The following ABCC1 variants were observed in gnomAD, a reference collection of about 807,000 sequenced individuals.
The protein encoded by ABCC1 is multidrug resistance-associated protein 1.
A neutral mutation model predicts 172.9 loss-of-function variants in ABCC1; 83 were observed. That is an observed-to-expected ratio of 0.48 (90% CI 0.40 to 0.58). The LOEUF is 0.58. Ranked by LOEUF, ABCC1 falls within the 20% of genes least tolerant of loss-of-function variation. The pLI is 0.00. For synonymous variants in ABCC1, 937 were observed against 825.2 expected (o/e 1.14, Z -2.32); for missense variants, 1,817 against 2,002.7 (o/e 0.91, Z 1.77).
intron 3 of ABCC1, 148 bp downstream of exon 3, chr16:16,010,049 T>TTTTTTA: frequency 3.1e-6 from 2 of 641,112 alleles, no homozygotes; most frequent in Admixed American, 4.7e-5. Context: ...TTTTTTTTTT[T>TTTTTTA]TTTTTTTTTT....
intron 1 of ABCC1, among the ~76,000 whole-genome samples, chr16:15,986,091 T>C (rs452277): frequency 0.084 from 12,830 of 151,924 alleles, 645 homozygotes; most frequent in African/African-American, 0.14. Context: ...CATGTCACCA[T>C]GCCTGGCTAA....
Position 15,949,626 on chromosome 16 carries a change from CCGCCGCCAGCGCTA to C in ABCC1, c.-125_-112del. 1.5e-6 allele frequency: 1 copy of C among 648,864 alleles called. No homozygotes were observed. The highest frequency in any genetic ancestry group is 1.9e-6 in the Non-Finnish European group (1 of 523,904). The allele number at this position is 648,864 out of a possible 1,614,324, so 40.2% of individuals were successfully genotyped here. On this transcript the variant is annotated 5_prime_UTR_variant, in exon 1 of 31. Coordinates refer to ENST00000399410, the MANE Select transcript of ABCC1 (RefSeq NM_004996.4). ...CCGGCTCCCTGCGCCGCCGCCGCCG[CCGCCGCCAGCGCTA>C]GCGCCAGCAGCCGGGCCCGATCACC...
Position 16,016,638 on chromosome 16 carries a change from A to AT in ABCC1, c.615+18dup. ...CACGACCCTGTAAGTGTGACCACAG[A>AT]TGAGTGTGTGTGCGTGTGTGTGTGA... On this transcript the variant is annotated intron_variant, in intron 5 of 30. Transcript: ENST00000399410. The AT allele has an allele frequency of 6.2e-7, 1 of 1,614,032 alleles. No homozygotes were observed. Among genetic ancestry groups the AT allele is most frequent in the Non-Finnish European group, 8.5e-7 (1 of 1,179,970 alleles).
chr16:16,040,137 T>C (rs165975), intron 7 of ABCC1, among the ~76,000 whole-genome samples: 45,410 of 151,648 alleles, frequency 0.3, 7,326 homozygotes, highest in East Asian at 0.42. Flanking sequence ...GCTCTGTTGC[T>C]CAGGCTGGAT....
At chr16:15,994,691 ATAG>A (rs1358150996) in intron 1 of ABCC1, among the ~76,000 whole-genome samples, 1 of 152,134 alleles carries the variant, frequency 6.6e-6, no homozygotes, top group Non-Finnish European at 1.5e-5. Context: ...ACAACAAAAA[ATAG>A]TAGTTGCCTT....
Position 15,972,470 on chromosome 16 carries a change from T to C in ABCC1, c.48+22671T>C, listed in dbSNP as rs368407164. 1.9e-4 allele frequency among the ~76,000 whole-genome samples: 29 copies of C among 152,304 alleles called. No individual in the cohort carries two copies. The East Asian group carries it at 3.7e-3, about 19-fold the overall frequency. On this transcript the variant is annotated intron_variant, in intron 1 of 30. Transcript: ENST00000399410. ...ACATCTCTGCTGTTTTCTTGTCTTTTCCTCAAGGCCCCTAAATGGCTGCTA... is the reference window on the plus strand; with the variant it reads ...ACATCTCTGCTGTTTTCTTGTCTTTCCCTCAAGGCCCCTAAATGGCTGCTA...
At chr16:15,963,310 G>C (rs2046177361) in intron 1 of ABCC1, among the ~76,000 whole-genome samples, 1 of 152,238 alleles carries the variant, frequency 6.6e-6, no homozygotes, top group South Asian at 2.1e-4. Context: ...GGTTGGCGTT[G>C]AGTGTCTCCG....
intron 1 of ABCC1, among the ~76,000 whole-genome samples, chr16:15,994,153 G>A (rs1597083155): frequency 6.6e-6 from 1 of 152,150 alleles, no homozygotes; most frequent in East Asian, 1.9e-4. Context: ...CCAGGAGATC[G>A]AGGCTGCAGT....
rs376361536 is a variant in ABCC1 at position 16,102,636 on chromosome 16, G to T, written c.2654G>T (p.Gly885Val). ...EQDAEENGVT[G>V]VSGPGKEAKQ... The stretch of plus-strand genomic sequence containing the variant: ...GTCTCTCTTCTGCCAGGGGTCACGG[G>T]CGTCAGCGGTCCAGGGAAGGAAGCA... The change falls in exon 20 of 31, where the codon GGC becomes GTC. Residue 885 changes from glycine to valine, a missense_variant. Physicochemically the swap from Gly to Val is moderately radical, Grantham distance 109. Around this residue, in one of 3 missense-constraint regions of ABCC1, gnomAD observed 1,412 missense variants for 1,600.3 expected, o/e 0.88. Transcript: ENST00000399410. 1.4e-4 allele frequency: 227 copies of T among 1,581,706 alleles called. No individual in the cohort carries two copies. Among genetic ancestry groups the T allele is most frequent in the Non-Finnish European group, 1.9e-4 (221 of 1,163,512 alleles).
chr16:16,103,722 G>C (rs144280107), intron 20 of ABCC1, among the ~76,000 whole-genome samples: 3 of 152,348 alleles, frequency 2.0e-5, no homozygotes, highest in East Asian at 3.9e-4. Context: ...CAGGGGTCAG[G>C]AGAGAGCAAA....
chr16:16,119,734 T>C (rs1389750766), intron 23 of ABCC1, among the ~76,000 whole-genome samples: 2 of 152,118 alleles, frequency 1.3e-5, no homozygotes, highest in Non-Finnish European at 1.5e-5. Context: ...CATCTCAGGT[T>C]AGATTTTTCC....
chr16:16,067,746 T>A (rs374939796), intron 12 of ABCC1, among the ~76,000 whole-genome samples: 15 of 152,228 alleles, frequency 9.9e-5, no homozygotes, highest in African/African-American at 3.6e-4. Flanking sequence ...TTGGGTAAAG[T>A]GGGAGAGACA....
At chr16:15,994,018 A>G (rs898130266) in intron 1 of ABCC1, among the ~76,000 whole-genome samples, 2 of 152,138 alleles carry the variant, frequency 1.3e-5, no homozygotes, top group Admixed American at 1.3e-4. Context: ...ACTGAGTTCA[A>G]GACCAGCCTG....
At chr16:16,084,370 T>G (rs1176464156) in intron 17 of ABCC1, among the ~76,000 whole-genome samples, 1 of 139,482 alleles carries the variant, frequency 7.2e-6, no homozygotes, top group East Asian at 2.1e-4. Context: ...CTCAAAGTTC[T>G]TTTTTTTTTT....
chr16:16,115,973 G>A (rs970733642), intron 23 of ABCC1, among the ~76,000 whole-genome samples: 1 of 151,522 alleles, frequency 6.6e-6, no homozygotes, highest in African/African-American at 2.4e-5. Flanking sequence ...CGCGATCTCG[G>A]CTCACTGCAA....
chr16:16,138,662 G>T, intron 30 of ABCC1, 104 bp downstream of exon 30: 2 of 896,928 alleles, frequency 2.2e-6, no homozygotes, highest in South Asian at 6.2e-5. Context: ...TATCCCTAGT[G>T]ACAGCCCCAG....
chr16:16,036,308 C>T (rs531487221), intron 6 of ABCC1, among the ~76,000 whole-genome samples, 164 bp from the exon 7 acceptor site: 51 of 152,128 alleles, frequency 3.4e-4, no homozygotes, highest in African/African-American at 1.1e-3. Flanking sequence ...AAATGTCCAT[C>T]TGCATTCTGA....
chr16:16,071,796 A>G, intron 14 of ABCC1, 67 bp downstream of exon 14: 6 of 1,411,492 alleles, frequency 4.3e-6, no homozygotes, highest in East Asian at 2.4e-5. Context: ...GGTCCTCCCT[A>G]CTTGCATTTC....
intron 12 of ABCC1, among the ~76,000 whole-genome samples, chr16:16,058,747 T>G (rs1017101692): frequency 3.9e-5 from 6 of 152,162 alleles, no homozygotes. Context: ...GCCTCCCGGG[T>G]TCAAGCGATT....
Sources: allele counts gnomAD v4.1 joint callset (sites outside exome capture counted in the v4.1 genomes callset), GRCh38; gene constraint gnomAD v4.1.1; regional missense constraint gnomAD v4.1.1; transcripts MANE v1.5; gene names NCBI Gene and HGNC (gene_info 2026-07-23, HGNC 2026-07-21).